Variants in ROR2 observed in about 807,000 individuals in gnomAD.
ROR2 encodes the protein tyrosine-protein kinase transmembrane receptor ROR2.
In ROR2, 33 loss-of-function variants were observed where a neutral mutation model predicts 74.9. The observed-to-expected ratio is 0.44, with a 90% CI of 0.33 to 0.59. ROR2 has a LOEUF of 0.59. ROR2 is among the 20% of genes least tolerant of loss of function. ROR2 has a pLI of 0.02. For synonymous variants in ROR2, 586 were observed against 558.7 expected, an observed-to-expected ratio of 1.05 and a Z score of -0.69; for missense variants, 1,216 against 1,313.8, an observed-to-expected ratio of 0.93 and a Z score of 1.15.
rs1240902541 is a variant in ROR2 at position 91,733,133 on chromosome 9, C to T, written c.926G>A (p.Arg309Lys). ...NCMRIGIPAE[R>K]LGRYHQCYNG... ...CCTCGGGCACTCACAGCGGCCCAGC[C>T]TCTCGGCTGGGATGCCAATGCGCAT... Residue 309 changes from arginine to lysine, a missense_variant, in exon 6 of 9, where the codon AGG becomes AAG. Coordinates refer to ENST00000375708, the MANE Select transcript of ROR2 (RefSeq NM_004560.4). The surrounding 1 kb of genome is among the most constrained non-coding windows in gnomAD (Gnocchi z 5.7). The T allele has an allele frequency of 1.3e-6, 2 of 1,596,508 alleles. No homozygotes were observed. Among genetic ancestry groups the T allele is most frequent in the Non-Finnish European group, 1.7e-6 (2 of 1,173,362 alleles).
At chr9:91,811,353 C>T (rs1414388182) in intron 1 of ROR2, among the ~76,000 whole-genome samples, 1 of 152,226 alleles carries the variant, frequency 6.6e-6, no homozygotes, top group Admixed American at 6.5e-5. Context: ...TCATTCGGCC[C>T]GTGTGGAAAG....
At chr9:91,810,032 C>T (rs958508169) in intron 1 of ROR2, among the ~76,000 whole-genome samples, 1 of 152,262 alleles carries the variant, frequency 6.6e-6, no homozygotes, top group African/African-American at 2.4e-5. Flanking sequence ...ACTAAATCGG[C>T]CACGCCACAC....
chr9:91,758,949 T>C (rs1825836805), intron 2 of ROR2, among the ~76,000 whole-genome samples: 1 of 152,184 alleles, frequency 6.6e-6, no homozygotes, highest in Non-Finnish European at 1.5e-5. Flanking sequence ...GACAAGAAAG[T>C]TAATCATCAA....
At chr9:91,898,092 G>A (rs1196264399) in intron 1 of ROR2, among the ~76,000 whole-genome samples, 8 of 152,084 alleles carry the variant, frequency 5.3e-5, no homozygotes, top group African/African-American at 1.9e-4. Context: ...CCACAAGCCT[G>A]TCTACAATCA....
At chr9:91,727,275 A>C (rs1837074157) in intron 7 of ROR2, among the ~76,000 whole-genome samples, 1 of 152,192 alleles carries the variant, frequency 6.6e-6, no homozygotes, top group Non-Finnish European at 1.5e-5. Flanking sequence ...ATAATTAAAC[A>C]TGCACTAGAT....
chr9:91,835,410 A>G (rs1828581923), intron 1 of ROR2, among the ~76,000 whole-genome samples: 1 of 152,028 alleles, frequency 6.6e-6, no homozygotes, highest in African/African-American at 2.4e-5. Flanking sequence ...CTGCACACAC[A>G]CTGCCCCCAG....
chr9:91,773,127 C>T (rs866699591), intron 2 of ROR2, among the ~76,000 whole-genome samples: 37 of 152,154 alleles, frequency 2.4e-4, no homozygotes, highest in Admixed American at 2.4e-3. Flanking sequence ...GCCCCTGCAG[C>T]CCTCTGCTCC....
intron 1 of ROR2, among the ~76,000 whole-genome samples, chr9:91,858,186 G>A (rs758334075): frequency 7.9e-5 from 12 of 152,172 alleles, no homozygotes; most frequent in African/African-American, 1.2e-4. Flanking sequence ...TTCCAACCTG[G>A]GCTCCTGTGC....
chr9:91,879,301 G>T (rs1830040260), intron 1 of ROR2, among the ~76,000 whole-genome samples: 1 of 152,162 alleles, frequency 6.6e-6, no homozygotes, highest in Admixed American at 6.5e-5. Context: ...GGAAAGTGAT[G>T]ATGTCCTTAT....
At position 91,726,930 on chromosome 9, in the gene ROR2, C is replaced by T. The variant is rs10992066; in HGVS notation, c.1184-187G>A. Reference sequence around the variant, plus strand: ...CATGATGCACCAAAAAATGCACACCCGGCTGCATCCTGGGGAAACAAAACC... The same window carrying T: ...CATGATGCACCAAAAAATGCACACCTGGCTGCATCCTGGGGAAACAAAACC... On this transcript the variant is annotated intron_variant, in intron 7 of 8. Coordinates refer to ENST00000375708, the MANE Select transcript of ROR2 (RefSeq NM_004560.4). Among the ~76,000 whole-genome samples, 16,301 of 152,166 alleles carry T rather than the reference C, an allele frequency of 0.11. 968 individuals are homozygous for T. Among genetic ancestry groups the T allele is most frequent in the Middle Eastern group, 0.16 (46 of 294 alleles).
chr9:91,880,925 C>T (rs10992146), intron 1 of ROR2, among the ~76,000 whole-genome samples: 2 of 152,186 alleles, frequency 1.3e-5, no homozygotes, highest in African/African-American at 4.8e-5. Flanking sequence ...AGATTGGGGT[C>T]TGATGGTGGT....
At chr9:91,903,764 G>A (rs527912229) in intron 1 of ROR2, among the ~76,000 whole-genome samples, 17 of 152,218 alleles carry the variant, frequency 1.1e-4, no homozygotes, top group African/African-American at 2.6e-4. Context: ...GGCTTGAGAC[G>A]GGGTTTACTA....
chr9:91,822,632 A>C (rs1017509109), intron 1 of ROR2, among the ~76,000 whole-genome samples: 5 of 152,232 alleles, frequency 3.3e-5, no homozygotes, highest in African/African-American at 4.8e-5. Flanking sequence ...GACTCACTGG[A>C]TGCGAAAACC....
intron 1 of ROR2, among the ~76,000 whole-genome samples, chr9:91,914,869 G>T (rs1831089772): frequency 6.6e-6 from 1 of 152,118 alleles, no homozygotes; most frequent in Non-Finnish European, 1.5e-5. Flanking sequence ...CCTTCCAGCT[G>T]CTTTCCTAAA....
chr9:91,862,069 A>C (rs1387384099), intron 1 of ROR2, among the ~76,000 whole-genome samples: 1 of 151,940 alleles, frequency 6.6e-6, no homozygotes, highest in Non-Finnish European at 1.5e-5. Context: ...CATGCCTGTA[A>C]TCCCAGCACT....
chr9:91,852,057 G>A (rs1174657550), intron 1 of ROR2, among the ~76,000 whole-genome samples: 1 of 151,468 alleles, frequency 6.6e-6, no homozygotes, highest in Non-Finnish European at 1.5e-5. Context: ...TCTCAGGAGT[G>A]TTGTGCCTTT....
intron 1 of ROR2, among the ~76,000 whole-genome samples, chr9:91,942,686 A>G (rs957835049): frequency 2.0e-5 from 3 of 152,184 alleles, no homozygotes; most frequent in Non-Finnish European, 4.4e-5. Context: ...CATGAGATTA[A>G]ATCATCCTGT....
intron 1 of ROR2, among the ~76,000 whole-genome samples, chr9:91,879,405 TGAGTGG>T (rs1457301402): frequency 6.6e-6 from 1 of 151,854 alleles, no homozygotes; most frequent in Non-Finnish European, 1.5e-5. Context: ...ATTTATTTTC[TGAGTGG>T]GAGTGGGTGT....
At chr9:91,948,895 G>T (rs1832087340) in intron 1 of ROR2, 10 of 985,290 alleles carry the variant, frequency 1.0e-5, no homozygotes, top group Non-Finnish European at 1.2e-5. Flanking sequence ...GCGCGGGCGG[G>T]AGGTGCTCCC....
Sources: gnomAD v4.1 joint callset for allele counts (sites outside exome capture counted in the v4.1 genomes callset) on GRCh38, gnomAD v4.1.1 for gene constraint, Gnocchi (gnomAD v3.1) non-coding constraint, MANE v1.5 for transcripts, NCBI Gene and HGNC (gene_info 2026-07-23, HGNC 2026-07-21) for gene names.